The following TTC28 variants were observed in gnomAD, a reference collection of about 807,000 sequenced individuals.
TTC28 encodes tetratricopeptide repeat domain 28.
In TTC28, 61 loss-of-function variants were observed where a neutral mutation model predicts 198.0. That is an observed-to-expected ratio of 0.31 (90% CI 0.25 to 0.38). TTC28 has a LOEUF of 0.38. Ranked by LOEUF, TTC28 falls within the 10% of genes least tolerant of loss-of-function variation. TTC28 has a pLI of 1.00. For missense variants in TTC28, 2,678 were observed against 3,164.0 expected, an observed-to-expected ratio of 0.85 and a Z score of 3.69; for synonymous variants, 1,171 against 1,297.8, an observed-to-expected ratio of 0.90 and a Z score of 2.10.
chr22:28,418,632 G>C (rs1210237685), intron 2 of TTC28, among the ~76,000 whole-genome samples: 2 of 152,280 alleles, frequency 1.3e-5, no homozygotes, highest in African/African-American at 2.4e-5. Context: ...GGCACACAGA[G>C]AGAAAGAGTC....
In TTC28 at chr22:28,163,614, A is replaced by C; in HGVS notation, c.934-15T>G. The C allele has an allele frequency of 6.7e-7, 1 of 1,503,552 alleles. No individual in the cohort carries two copies. The highest frequency in any genetic ancestry group is 8.9e-7 in the Non-Finnish European group (1 of 1,127,066). The allele number at this position is 1,503,552 out of a possible 1,614,324, so 93.1% of individuals were successfully genotyped here. A position where few individuals can be genotyped will look rare whatever the true frequency, so the allele number is the denominator to read the frequency against. On this transcript the variant is annotated splice_polypyrimidine_tract_variant and intron_variant, in intron 5 of 22. Transcript: ENST00000397906. The stretch of plus-strand genomic sequence containing the variant: ...GATGAAGCTGCCTGGAGAGAAAAGG[A>C]TAAAGTGGAGAAATGAAAACACATC...
chr22:28,078,266 T>C (rs549709036), intron 12 of TTC28, among the ~76,000 whole-genome samples: 1 of 152,172 alleles, frequency 6.6e-6, no homozygotes, highest in African/African-American at 2.4e-5. Context: ...TGCGGGTAAT[T>C]GAATAAAGGT....
At chr22:28,394,965 C>G (rs2046791194) in intron 2 of TTC28, among the ~76,000 whole-genome samples, 1 of 152,062 alleles carries the variant, frequency 6.6e-6, no homozygotes, top group Non-Finnish European at 1.5e-5. Context: ...CTACTTGAAC[C>G]AGCTTAAATG....
intron 4 of TTC28, among the ~76,000 whole-genome samples, chr22:28,296,658 C>T (rs1466868474): frequency 6.6e-6 from 1 of 152,152 alleles, no homozygotes; most frequent in Non-Finnish European, 1.5e-5. Flanking sequence ...ACCTTTGATT[C>T]TAAACAACCA....
At chr22:28,121,856 T>G (rs190365881) in intron 6 of TTC28, among the ~76,000 whole-genome samples, 1 of 152,240 alleles carries the variant, frequency 6.6e-6, no homozygotes, top group African/African-American at 2.4e-5. Context: ...GGTAAGCGTT[T>G]GTTTTTGTTT....
intron 5 of TTC28, among the ~76,000 whole-genome samples, chr22:28,285,503 C>T (rs1046071566): frequency 2.0e-5 from 3 of 152,052 alleles, no homozygotes; most frequent in African/African-American, 7.2e-5. Flanking sequence ...TGGTGACTAT[C>T]GTTAATAATA....
intron 2 of TTC28, among the ~76,000 whole-genome samples, chr22:28,510,136 T>G (rs1386396104): frequency 6.6e-6 from 1 of 152,128 alleles, no homozygotes; most frequent in Admixed American, 6.5e-5. Flanking sequence ...ACTGAAACTA[T>G]TCCAAAAAAT....
intron 5 of TTC28, among the ~76,000 whole-genome samples, chr22:28,204,209 A>T (rs1329209865): frequency 1.3e-5 from 2 of 152,128 alleles, no homozygotes; most frequent in Non-Finnish European, 2.9e-5. Context: ...AGAGAAAGAC[A>T]TCCCACTCTC....
chr22:28,225,928 T>C (rs1026435575), intron 5 of TTC28, among the ~76,000 whole-genome samples: 1 of 152,246 alleles, frequency 6.6e-6, no homozygotes, highest in Non-Finnish European at 1.5e-5. Context: ...CTCAACATAA[T>C]GATTTTGAGA....
intron 2 of TTC28, among the ~76,000 whole-genome samples, chr22:28,388,132 T>C (rs1410847792): frequency 1.3e-5 from 2 of 152,192 alleles, no homozygotes; most frequent in East Asian, 3.8e-4. Flanking sequence ...TTTTCTCAGG[T>C]TTGTCAAAGA....
At chr22:28,354,963 T>TC in intron 2 of TTC28, among the ~76,000 whole-genome samples, 1 of 111,362 alleles carries the variant, frequency 9.0e-6, no homozygotes, top group South Asian at 3.4e-4. Context: ...CCCGATGCTA[T>TC]CCCTCCCCCC....
chr22:28,544,509 T>C (rs1272934992), intron 2 of TTC28, among the ~76,000 whole-genome samples: 1 of 152,194 alleles, frequency 6.6e-6, no homozygotes, highest in African/African-American at 2.4e-5. Flanking sequence ...CAGAGGCATT[T>C]GACCCAGAGC....
At chr22:28,239,785 T>C (rs1929533710) in intron 5 of TTC28, among the ~76,000 whole-genome samples, 2 of 152,166 alleles carry the variant, frequency 1.3e-5, no homozygotes, top group African/African-American at 4.8e-5. Context: ...CTGATGAAGA[T>C]GAGGACCTTG....
chr22:28,420,566 A>C (rs1280830341), intron 2 of TTC28, among the ~76,000 whole-genome samples: 1 of 48,776 alleles, frequency 2.1e-5, no homozygotes, highest in Non-Finnish European at 3.9e-5. Context: ...TAAAAAATGC[A>C]AAAAAAAAAA....
intron 6 of TTC28, among the ~76,000 whole-genome samples, chr22:28,126,561 GA>G (rs1343369151): frequency 1.3e-5 from 2 of 152,262 alleles, no homozygotes; most frequent in South Asian, 4.1e-4. Flanking sequence ...GATTTAGATG[GA>G]AAAAGGAGTT....
intron 2 of TTC28, among the ~76,000 whole-genome samples, chr22:28,425,663 G>A (rs1482873928): frequency 1.3e-5 from 2 of 152,178 alleles, no homozygotes; most frequent in Non-Finnish European, 2.9e-5. Context: ...GGTAAAAATG[G>A]TGCAATTAAA....
intron 5 of TTC28, among the ~76,000 whole-genome samples, chr22:28,194,211 A>G (rs550108557): frequency 5.3e-5 from 8 of 152,350 alleles, no homozygotes; most frequent in Non-Finnish European, 8.8e-5. Context: ...GAAGACAGAA[A>G]TAAAGATGTT....
intron 2 of TTC28, among the ~76,000 whole-genome samples, chr22:28,373,221 A>G (rs2046362921): frequency 6.6e-6 from 1 of 152,102 alleles, no homozygotes. Flanking sequence ...AGATAAAAAT[A>G]TAAGGAAGGT....
intron 2 of TTC28, among the ~76,000 whole-genome samples, chr22:28,346,622 A>C (rs932175242): frequency 6.6e-6 from 1 of 152,218 alleles, no homozygotes; most frequent in Non-Finnish European, 1.5e-5. Context: ...ACTTGTGGAC[A>C]TAACTTTCTT....
Sources: gnomAD v4.1 joint callset for allele counts (sites outside exome capture counted in the v4.1 genomes callset) on GRCh38, gnomAD v4.1.1 for gene constraint, MANE v1.5 for transcripts, NCBI Gene and HGNC (gene_info 2026-07-23, HGNC 2026-07-21) for gene names.